CWF19L1: variants seen among roughly 807,000 people sequenced by gnomAD.
CWF19L1 encodes CWF19 like cell cycle control factor 1.
Under a neutral mutation model 69.7 loss-of-function variants are expected in CWF19L1, and 60 were observed. That is an observed-to-expected ratio of 0.86 (90% CI 0.70 to 1.07). CWF19L1 has a LOEUF of 1.07. Among genes scored for constraint, CWF19L1 ranks in the 50% least tolerant of loss-of-function variants. CWF19L1 has a pLI of 0.00. For missense variants in CWF19L1, 591 were observed against 638.9 expected (o/e 0.92, Z 0.81); for synonymous variants, 209 against 222.2 (o/e 0.94, Z 0.53).
intron 12 of CWF19L1, among the ~76,000 whole-genome samples, chr10:100,235,995 C>T (rs1324624616): frequency 6.6e-6 from 1 of 152,026 alleles, no homozygotes; most frequent in East Asian, 1.9e-4. Flanking sequence ...TTAGGAAATT[C>T]TAATTTCTTG....
intron 4 of CWF19L1, among the ~76,000 whole-genome samples, chr10:100,257,287 CTTTTTTTTTTTTTTT>C (rs55939570): frequency 9.4e-6 from 1 of 105,826 alleles, no homozygotes; most frequent in Admixed American, 1.2e-4. Flanking sequence ...AGTGCTTTAC[CTTTTTTTTTTTTTTT>C]TTTTTTTTTT....
intron 5 of CWF19L1, among the ~76,000 whole-genome samples, chr10:100,255,541 T>C (rs1397404108): frequency 2.6e-5 from 4 of 152,098 alleles, no homozygotes; most frequent in Non-Finnish European, 4.4e-5. Context: ...GGCAGGCAGA[T>C]TGTCTGAGCT....
chr10:100,247,040 T>C (rs1846848933), intron 7 of CWF19L1, 105 bp from the exon 8 acceptor site: 3 of 1,094,426 alleles, frequency 2.7e-6, no homozygotes, highest in Non-Finnish European at 3.8e-6. Context: ...TGAAACTCAG[T>C]AAAATTAAAA....
rs369913294 is a variant in CWF19L1, at chr10:100,233,231, T to A, written c.1613A>T (p.Asp538Val). 20 of 1,607,110 alleles carry A rather than the reference T, an allele frequency of 1.2e-5. No homozygotes were observed. In the African/African-American group the frequency reaches 2.5e-4, roughly 20 times the overall value. Reference protein sequence around the residue: ...DFEPYDFTLDD With the variant: ...DFEPYDFTLDV ...TAAAAAGTTCTTCCCTTTGTTTTAG[T>A]CATCCAGAGTAAAGTCATAGGGCTC... Residue 538 changes from aspartate to valine, a missense_variant, in exon 14 of 14, where the codon GAC becomes GTC. Around this residue, in one of 3 missense-constraint regions of CWF19L1, gnomAD observed 458 missense variants for 489.3 expected, o/e 0.94. Coordinates refer to ENST00000354105, the MANE Select transcript of CWF19L1 (RefSeq NM_018294.6).
chr10:100,239,288 T>C (rs923040064), intron 10 of CWF19L1, among the ~76,000 whole-genome samples: 2 of 152,148 alleles, frequency 1.3e-5, no homozygotes, highest in Non-Finnish European at 2.9e-5. Context: ...GAAGATGCCA[T>C]GAGTGAGCAC....
Position 100,236,931 on chromosome 10 carries a change from G to A in CWF19L1, c.1293C>T (p.Asp431=), listed in dbSNP as rs779874644. Residue 431 remains aspartate (D), a synonymous_variant, in exon 12 of 14, where the codon GAC becomes GAT. Transcript: ENST00000354105. ...PVPISCSTTD[D]IKDAFITQAQ... ...CCTGGGTAATGAAGGCATCTTTAAT[G>A]TCATCAGTAGTAGAGCAGCTGATTG... The A allele has an allele frequency of 1.9e-6, 3 of 1,610,510 alleles. No individual in the cohort carries two copies. Among genetic ancestry groups the A allele is most frequent in the Admixed American group, 3.4e-5 (2 of 59,188 alleles).
chr10:100,250,872 C>A (rs910568105), intron 6 of CWF19L1, among the ~76,000 whole-genome samples: 2 of 151,092 alleles, frequency 1.3e-5, no homozygotes, highest in Admixed American at 1.3e-4. Context: ...CACTTGAGCC[C>A]ACGAGGTTGA....
intron 5 of CWF19L1, chr10:100,254,069 C>A (rs928112711): frequency 6.6e-6 from 1 of 152,312 alleles, no homozygotes; most frequent in South Asian, 2.1e-4. Context: ...TTAGTAGAGA[C>A]GGGGTTTCAC....
chr10:100,235,905 T>C lies in CWF19L1; in HGVS notation c.1375-141A>G, dbSNP rs1307073679. The C allele has an allele frequency of 1.9e-5, 12 of 626,778 alleles. No individual in the cohort carries two copies. The East Asian group carries it at 3.3e-4, about 17-fold the overall frequency. 38.8% of individuals were successfully genotyped at this position (626,778 alleles called of 1,614,324 possible). The stretch of plus-strand genomic sequence containing the variant: ...TTGCTATAGATCCCAAGCCACTTAG[T>C]GGAACTAGGGCTTAAAAAGTCTAAC... On this transcript the variant is annotated intron_variant, in intron 12 of 13. Coordinates refer to ENST00000354105, the MANE Select transcript of CWF19L1 (RefSeq NM_018294.6).
chr10:100,261,710 C>G (rs1158198041), intron 2 of CWF19L1, among the ~76,000 whole-genome samples: 1 of 152,174 alleles, frequency 6.6e-6, no homozygotes, highest in Non-Finnish European at 1.5e-5. Context: ...GTCAGAATCA[C>G]TTAGGGAAGT....
At chr10:100,256,584 T>C (rs143291388) in intron 4 of CWF19L1, 108 bp from the exon 5 acceptor site, 182 of 816,922 alleles carry the variant, frequency 2.2e-4, no homozygotes, top group Non-Finnish European at 3.5e-4. Flanking sequence ...CCATTTTACA[T>C]GTCTGAAGTG....
rs746710766 is a variant in CWF19L1 at position 100,233,286 on chromosome 10, TCTC to T, written c.1555_1557del (p.Glu519del). The T allele has an allele frequency of 4.6e-5, 75 of 1,613,706 alleles. No homozygotes were observed. Among genetic ancestry groups the T allele is most frequent in the Non-Finnish European group, 5.8e-5 (69 of 1,179,940 alleles). On this transcript the variant is annotated inframe_deletion, in exon 14 of 14. Coordinates refer to ENST00000354105, the MANE Select transcript of CWF19L1 (RefSeq NM_018294.6). ...TCTTTCCGGAAGCGGCGAGCCAGGG[TCTC>T]CTCGTCTTCCTTGCTGATCTGACAC... is the stretch of plus-strand genomic sequence containing the variant.
intron 7 of CWF19L1, chr10:100,249,105 A>G: frequency 4.1e-6 from 2 of 488,776 alleles, no homozygotes; most frequent in East Asian, 4.3e-5. Flanking sequence ...CCGCAGGCCA[A>G]CTGGGCCACA....
chr10:100,238,055 C>T lies in CWF19L1; in HGVS notation c.1221G>A (p.Glu407=). The part of the protein sequence containing the change: ...KSRGKWCVVF[E]RNYKSHHLQL... ...GGAGGTGATGGCTCTTATAATTTCTCTCAAATACAACACACCATTTCCCTC... is the reference window on the plus strand; with the variant it reads ...GGAGGTGATGGCTCTTATAATTTCTTTCAAATACAACACACCATTTCCCTC... Residue 407 remains glutamate, a synonymous_variant, in exon 11 of 14, where the codon GAG becomes GAA. Coordinates refer to ENST00000354105, the MANE Select transcript of CWF19L1 (RefSeq NM_018294.6). 6.2e-7 allele frequency: 1 copy of T among 1,614,168 alleles called. No homozygotes were observed. The highest frequency in any genetic ancestry group is 1.1e-5 in the South Asian group (1 of 91,080).
At chr10:100,234,824 G>A (rs955581996) in intron 13 of CWF19L1, among the ~76,000 whole-genome samples, 2 of 152,088 alleles carry the variant, frequency 1.3e-5, no homozygotes, top group Non-Finnish European at 2.9e-5. Context: ...CTATGGTTTT[G>A]CAGTCATGTT....
intron 1 of CWF19L1, among the ~76,000 whole-genome samples, chr10:100,267,048 T>C (rs1056301347): frequency 2.0e-5 from 3 of 151,370 alleles, no homozygotes; most frequent in Non-Finnish European, 4.4e-5. Flanking sequence ...ACTCCATCTG[T>C]TGCAACACCT....
chr10:100,248,963 T>C lies in CWF19L1; in HGVS notation c.708+1285A>G, dbSNP rs1359623943. The C allele has an allele frequency of 1.2e-5, 9 of 723,690 alleles. No homozygotes were observed. The East Asian group carries it at 2.4e-4, about 19-fold the overall frequency. 44.8% of individuals were successfully genotyped at this position (723,690 alleles called of 1,614,324 possible). On this transcript the variant is annotated intron_variant, in intron 7 of 13. Coordinates refer to ENST00000354105, the MANE Select transcript of CWF19L1 (RefSeq NM_018294.6). Reference sequence around the variant, plus strand: ...CTGGCCACCGCAGGGAACAGCCTGATAGAGCTGCGCAAGCTGGAAGCTGTG... The same window carrying C: ...CTGGCCACCGCAGGGAACAGCCTGACAGAGCTGCGCAAGCTGGAAGCTGTG...
chr10:100,261,973 T>A lies in CWF19L1; in HGVS notation c.108+6A>T. Reference sequence around the variant, plus strand: ...AAATTAAATTCAGTAAAAACAAACATCTTACATCAAAGTTTCCACTTTTCT... The same window carrying A: ...AAATTAAATTCAGTAAAAACAAACAACTTACATCAAAGTTTCCACTTTTCT... On this transcript the variant is annotated splice_donor_region_variant and intron_variant, in intron 2 of 13. Coordinates refer to ENST00000354105, the MANE Select transcript of CWF19L1 (RefSeq NM_018294.6). 1.9e-6 allele frequency: 3 copies of A among 1,591,916 alleles called. No individual in the cohort carries two copies. Among genetic ancestry groups the A allele is most frequent in the Non-Finnish European group, 2.6e-6 (3 of 1,173,314 alleles).
At position 100,260,378 on chromosome 10, in the gene CWF19L1, A is replaced by C. The variant is rs376583840; in HGVS notation, c.188-59T>G. On this transcript the variant is annotated intron_variant, in intron 3 of 13. Transcript: ENST00000354105. ...TACCAGATCTGCTTTAGAACTTAAG[A>C]TATGCCTCTCTATAGAAAAAATACT... The C allele has an allele frequency of 2.3e-5, 21 of 895,880 alleles. No individual in the cohort carries two copies. The East Asian group carries it at 2.5e-4, about 11-fold the overall frequency. 55.5% of individuals were successfully genotyped at this position (895,880 alleles called of 1,614,324 possible).
Sources: allele counts gnomAD v4.1 joint callset (sites outside exome capture counted in the v4.1 genomes callset), GRCh38; gene constraint gnomAD v4.1.1; regional missense constraint gnomAD v4.1.1; transcripts MANE v1.5; gene names NCBI Gene and HGNC (gene_info 2026-07-23, HGNC 2026-07-21).